The following B3GNT6 variants were observed in gnomAD, a reference collection of about 807,000 sequenced individuals.
The protein encoded by B3GNT6 is acetylgalactosaminyl-O-glycosyl-glycoprotein beta-1,3-N-acetylglucosaminyltransferase.
For synonymous variants in B3GNT6, 300 were observed against 270.0 expected (o/e 1.11, Z -1.09); for missense variants, 624 against 568.6 (o/e 1.10, Z -0.99).
chr11:77,039,479 A>G (rs1036722923), intron 1 of B3GNT6, 73 bp from the exon 2 acceptor site: 30 of 1,504,024 alleles, frequency 2.0e-5, no homozygotes, highest in Admixed American at 9.1e-5. Flanking sequence ...GAGAGAAGTG[A>G]CGGGGTACGG....
intron 1 of B3GNT6, among the ~76,000 whole-genome samples, chr11:77,037,962 A>AG (rs368106638): frequency 1.1e-4 from 1 of 9,176 alleles, no homozygotes; most frequent in Non-Finnish European, 1.9e-4. Flanking sequence ...GAAGAAGAAG[A>AG]GGAGGGGGGA....
At chr11:77,039,407 G>A in intron 1 of B3GNT6, 145 bp from the exon 2 acceptor site, 2 of 1,455,896 alleles carry the variant, frequency 1.4e-6, no homozygotes, top group Non-Finnish European at 9.1e-7. Flanking sequence ...TGTAATCTTG[G>A]ATTTTGATTC....
chr11:77,040,723 T>G lies in B3GNT6; in HGVS notation c.*17T>G, dbSNP rs1555027900. ...GTCTCCTGAGGCCAGTTGGGCGGCT[T>G]CAGCCCCGGGCCTCCAACCATGTCC... On this transcript the variant is annotated 3_prime_UTR_variant, in exon 2 of 2. Transcript: ENST00000622824. The G allele has an allele frequency of 6.5e-7, 1 of 1,546,300 alleles. No homozygotes were observed. Among genetic ancestry groups the G allele is most frequent in the East Asian group, 2.3e-5 (1 of 43,908 alleles).
In B3GNT6 at chr11:77,040,672, C is replaced by A; in HGVS notation, c.1121C>A (p.Ala374Glu). ...ATGTGGAAGGCGCTGCACAGCCCCG[C>A]GCTCAGCTGTGACCGGGGACACCGG... The part of the protein sequence containing the change: ...LLMWKALHSP[A>E]LSCDRGHRVS Residue 374 changes from alanine (A) to glutamate (E), a missense_variant, in exon 2 of 2, where the codon GCG becomes GAG. Transcript: ENST00000622824. The A allele has an allele frequency of 6.3e-7, 1 of 1,595,262 alleles. No homozygotes were observed.
At chr11:77,035,985 T>C (rs1224563131) in intron 1 of B3GNT6, among the ~76,000 whole-genome samples, 3 of 152,222 alleles carry the variant, frequency 2.0e-5, no homozygotes, top group Non-Finnish European at 4.4e-5. Context: ...CACGTTAACA[T>C]AAACAGGATT....
At chr11:77,035,342 G>A (rs1949625615) in intron 1 of B3GNT6, among the ~76,000 whole-genome samples, 1 of 152,208 alleles carries the variant, frequency 6.6e-6, no homozygotes, top group Admixed American at 6.5e-5. Flanking sequence ...AACTGCTAAT[G>A]TTATTCTGGT....
At chr11:77,037,184 G>A (rs556937086) in intron 1 of B3GNT6, 2 of 152,408 alleles carry the variant, frequency 1.3e-5, no homozygotes, top group Admixed American at 6.5e-5. Context: ...AGCTGCGGGA[G>A]GGGAGAGGTC....
intron 1 of B3GNT6, among the ~76,000 whole-genome samples, chr11:77,036,558 GCAC>G (rs2135373807): frequency 6.6e-6 from 1 of 152,286 alleles, no homozygotes; most frequent in East Asian, 1.9e-4. Flanking sequence ...ATATTTATCG[GCAC>G]CTTGATAATC....
chr11:77,034,975 A>G (rs1949622613), intron 1 of B3GNT6, among the ~76,000 whole-genome samples: 1 of 152,126 alleles, frequency 6.6e-6, no homozygotes, highest in Admixed American at 6.5e-5. Flanking sequence ...CCTCGCAAAC[A>G]TGGTAAAACC....
chr11:77,036,248 A>G (rs1166641548), intron 1 of B3GNT6, among the ~76,000 whole-genome samples: 1 of 152,240 alleles, frequency 6.6e-6, no homozygotes, highest in Non-Finnish European at 1.5e-5. Context: ...CTTATCTCGC[A>G]AGCCCTCTTC....
chr11:77,036,251 C>T (rs1949632658), intron 1 of B3GNT6, among the ~76,000 whole-genome samples: 1 of 152,200 alleles, frequency 6.6e-6, no homozygotes, highest in South Asian at 2.1e-4. Flanking sequence ...ATCTCGCAAG[C>T]CCTCTTCTCA....
intron 1 of B3GNT6, among the ~76,000 whole-genome samples, chr11:77,036,366 G>T (rs1444032029): frequency 1.3e-5 from 2 of 152,116 alleles, no homozygotes; most frequent in Non-Finnish European, 2.9e-5. Context: ...CTTTTGCAGG[G>T]TTCTCACACT....
At position 77,039,868 on chromosome 11, in the gene B3GNT6, A is replaced by T. The variant is rs1949668750; in HGVS notation, c.317A>T (p.Asp106Val). 2.5e-6 allele frequency: 4 copies of T among 1,589,066 alleles called. No homozygotes were observed. The African/African-American group carries it at 5.4e-5, about 21-fold the overall frequency. The change falls in exon 2 of 2, where the codon GAC becomes GTC. Residue 106 changes from aspartate to valine, a missense_variant. Physicochemically the swap from Asp to Val is radical, Grantham distance 152. Coordinates refer to ENST00000622824, the MANE Select transcript of B3GNT6 (RefSeq NM_138706.5). Reference protein sequence around the residue: ...RHCRHFPLLWDAPAKCAGGRG... With the variant: ...RHCRHFPLLWVAPAKCAGGRG... ...TGCCGCCACTTCCCGCTGCTTTGGG[A>T]CGCACCGGCCAAGTGCGCCGGCGGC...
In B3GNT6 at chr11:77,039,972, G is replaced by C; in HGVS notation, c.421G>C (p.Gly141Arg). Residue 141 changes from glycine (G) to arginine (R), a missense_variant, in exon 2 of 2, where the codon GGG (glycine) becomes CGG (arginine). Gly to Arg is a moderately radical substitution (Grantham distance 125). Coordinates refer to ENST00000622824, the MANE Select transcript of B3GNT6 (RefSeq NM_138706.5). ...ACGCGAGCTCATCCGGCGCACGTGGGGGCAAGAGCGCAGCTACGGCGGGCG... is the reference window on the plus strand; with the variant it reads ...ACGCGAGCTCATCCGGCGCACGTGGCGGCAAGAGCGCAGCTACGGCGGGCG... ...ERRELIRRTW[G>R]QERSYGGRPV... 6.3e-7 allele frequency: 1 copy of C among 1,589,876 alleles called. No homozygotes were observed. Among genetic ancestry groups the C allele is most frequent in the East Asian group, 2.3e-5 (1 of 44,008 alleles).
Position 77,040,373 on chromosome 11 carries a change from C to T in B3GNT6, c.822C>T (p.Ser274=). The change falls in exon 2 of 2, where the codon TCC becomes TCT. Residue 274 remains serine, a synonymous_variant. Transcript: ENST00000622824. ...YFVPPQLFPG[S]AYPVYCSGGG... ...TGCCGCCGCAGCTCTTCCCCGGGTCCGCTTACCCGGTGTACTGCAGCGGCG... is the reference window on the plus strand; with the variant it reads ...TGCCGCCGCAGCTCTTCCCCGGGTCTGCTTACCCGGTGTACTGCAGCGGCG... 2.0e-6 allele frequency: 3 copies of T among 1,536,906 alleles called. No individual in the cohort carries two copies. The highest frequency in any genetic ancestry group is 1.7e-6 in the Non-Finnish European group (2 of 1,147,294).
rs782445779 is a variant in B3GNT6, at chr11:77,040,094, G to A, written c.543G>A (p.Glu181=). The A allele has an allele frequency of 1.3e-6, 2 of 1,592,892 alleles. No individual in the cohort carries two copies. The highest frequency in any genetic ancestry group is 1.7e-4 in the Middle Eastern group (1 of 6,032). The change falls in exon 2 of 2, where the codon GAG becomes GAA. Residue 181 remains glutamate (E), a synonymous_variant. Coordinates refer to ENST00000622824, the MANE Select transcript of B3GNT6 (RefSeq NM_138706.5). ...AGCTGGTGGCGCTGGAGGCGCGCGAGCACGGCGACGTGCTGCAGTGGGCCT... is the reference window on the plus strand; with the variant it reads ...AGCTGGTGGCGCTGGAGGCGCGCGAACACGGCGACGTGCTGCAGTGGGCCT... ...LAELVALEAR[E]HGDVLQWAFA...
In B3GNT6 at chr11:77,040,309, G is replaced by A. The variant is rs1261103251; in HGVS notation, c.758G>A (p.Gly253Asp). 1 of 1,581,658 alleles carries A rather than the reference G, an allele frequency of 6.3e-7. No homozygotes were observed. Among genetic ancestry groups the A allele is most frequent in the Non-Finnish European group, 8.5e-7 (1 of 1,171,832 alleles). Residue 253 changes from glycine (G) to aspartate (D), a missense_variant, in exon 2 of 2, where the codon GGC (glycine) becomes GAC (aspartate). Physicochemically the swap from Gly to Asp is moderately conservative, Grantham distance 94. Coordinates refer to ENST00000622824, the MANE Select transcript of B3GNT6 (RefSeq NM_138706.5). The stretch of plus-strand genomic sequence containing the variant: ...CTGTTCTCCGGCCAGCTCATGGAGG[G>A]CTCCGTGCCCATCCGCGACAGCTGG... ...RHLFSGQLME[G>D]SVPIRDSWSK...
Position 77,040,927 on chromosome 11 carries a change from G to A in B3GNT6, c.*221G>A. 1 of 688,910 alleles carries A rather than the reference G, an allele frequency of 1.5e-6. No individual in the cohort carries two copies. 42.7% of individuals were successfully genotyped at this position (688,910 alleles called of 1,614,324 possible). A position where few individuals can be genotyped will look rare whatever the true frequency, so the allele number is the denominator to read the frequency against. ...TCTGGGGTGGACCCAGACATGTTAA[G>A]TATTTTTTAAGTTCCTCCAGTGATG... On this transcript the variant is annotated 3_prime_UTR_variant, in exon 2 of 2. Coordinates refer to ENST00000622824, the MANE Select transcript of B3GNT6 (RefSeq NM_138706.5).
At position 77,040,700 on chromosome 11, in the gene B3GNT6, C is replaced by A; in HGVS notation, c.1149C>A (p.Val383=). The A allele has an allele frequency of 1.3e-6, 2 of 1,572,508 alleles. No individual in the cohort carries two copies. The highest frequency in any genetic ancestry group is 1.8e-5 in the Admixed American group (1 of 56,878). Reference sequence around the variant, plus strand: ...TCAGCTGTGACCGGGGACACCGGGTCTCCTGAGGCCAGTTGGGCGGCTTCA... The same window carrying A: ...TCAGCTGTGACCGGGGACACCGGGTATCCTGAGGCCAGTTGGGCGGCTTCA... ...PALSCDRGHR[V]S is the part of the protein sequence containing the mutation. The change falls in exon 2 of 2, where the codon GTC becomes GTA. Residue 383 remains valine, a synonymous_variant. Transcript: ENST00000622824.
Sources: gnomAD v4.1 joint callset for allele counts (sites outside exome capture counted in the v4.1 genomes callset) on GRCh38, gnomAD v4.1.1 for gene constraint, MANE v1.5 for transcripts, NCBI Gene and HGNC (gene_info 2026-07-23, HGNC 2026-07-21) for gene names.